RSU1: variants seen among roughly 807,000 people sequenced by gnomAD.
RSU1 encodes the protein Ras suppressor protein 1.
Under a neutral mutation model 31.1 loss-of-function variants are expected in RSU1, and 26 were observed. The ratio of observed to expected loss-of-function variants is 0.84; its 90% CI spans 0.61 to 1.16. The LOEUF is 1.16. Among genes scored for constraint, RSU1 ranks in the 50% most tolerant of loss-of-function variants. The probability of loss-of-function intolerance (pLI) is 0.00; values close to 1 mark genes in which losing one functional copy is unlikely to be tolerated. For synonymous variants in RSU1, 164 were observed against 136.3 expected (o/e 1.20, Z -1.41); for missense variants, 320 against 339.1 (o/e 0.94, Z 0.44).
At chr10:16,742,236 G>A (rs904402545) in intron 7 of RSU1, among the ~76,000 whole-genome samples, 1 of 152,170 alleles carries the variant, frequency 6.6e-6, no homozygotes, top group Non-Finnish European at 1.5e-5. Flanking sequence ...TTTGTGTAAT[G>A]GGTAGTCAAC....
intron 4 of RSU1, among the ~76,000 whole-genome samples, chr10:16,756,279 G>A (rs1335123363): frequency 6.6e-6 from 1 of 152,110 alleles, no homozygotes. Flanking sequence ...ATGTGAATAC[G>A]CTTAACACCA....
chr10:16,687,883 C>A (rs1168551980), intron 8 of RSU1, among the ~76,000 whole-genome samples: 3 of 152,060 alleles, frequency 2.0e-5, no homozygotes, highest in African/African-American at 7.2e-5. Context: ...CCATGCCCGG[C>A]TAATTTTTTT....
At position 16,695,158 on chromosome 10, in the gene RSU1, G is replaced by GGGA. The variant is rs1554767085; in HGVS notation, c.599-4_599-3insTCC. The stretch of plus-strand genomic sequence containing the variant: ...CTGGCCAGTTAAATCCAAGTTTCCT[G>GGGA]GGGGGGGGGAAAAAAAAAGTGAAGG... On this transcript the variant is annotated splice_polypyrimidine_tract_variant and splice_region_variant and intron_variant, in intron 7 of 8. Coordinates refer to ENST00000345264, the MANE Select transcript of RSU1 (RefSeq NM_012425.4). 9.4e-6 allele frequency: 8 copies of GGGA among 847,740 alleles called. No homozygotes were observed. The African/African-American group carries it at 1.5e-4, about 15-fold the overall frequency. The allele number at this position is 847,740 out of a possible 1,614,324, so 52.5% of individuals were successfully genotyped here.
At chr10:16,772,641 G>GAAAAAAAAAAAAAAAAAAAAAAAAAAAA (rs60460081) in intron 3 of RSU1, among the ~76,000 whole-genome samples, 2 of 64,772 alleles carry the variant, frequency 3.1e-5, no homozygotes, top group African/African-American at 1.1e-4. Context: ...AGTAGAATAT[G>GAAAAAAAAAAAAAAAAAAAAAAAAAAAA]AAAAAAAAAA....
At position 16,771,457 on chromosome 10, in the gene RSU1, T is replaced by G. The variant is rs539210373; in HGVS notation, c.161-6947A>C. Among the ~76,000 whole-genome samples the G allele has an allele frequency of 5.3e-5, 8 of 152,372 alleles. No homozygotes were observed. In the South Asian group the frequency reaches 1.7e-3, roughly 32 times the overall value. ...TAACTGGAGAACATGAGTCCATTCATAGCACAGAGGTGGTGTCTAGACTAA... is the reference window on the plus strand; with the variant it reads ...TAACTGGAGAACATGAGTCCATTCAGAGCACAGAGGTGGTGTCTAGACTAA... On this transcript the variant is annotated intron_variant, in intron 3 of 8. Coordinates refer to ENST00000345264, the MANE Select transcript of RSU1 (RefSeq NM_012425.4).
Position 16,632,693 on chromosome 10 carries a change from C to T in RSU1, c.732-39197G>A, listed in dbSNP as rs1834274463. Among the ~76,000 whole-genome samples, 3 of 152,136 alleles carry T rather than the reference C, an allele frequency of 2.0e-5. No homozygotes were observed. The South Asian group carries it at 6.2e-4, about 31-fold the overall frequency. The stretch of plus-strand genomic sequence containing the variant: ...GTGGCTCACACCTGTAATCCAAGCA[C>T]TTTGAGAGGCCGAGATGGGCATATC... On this transcript the variant is annotated intron_variant, in intron 8 of 8. Transcript: ENST00000345264.
intron 8 of RSU1, among the ~76,000 whole-genome samples, chr10:16,629,853 G>A (rs772333780): frequency 6.6e-6 from 1 of 152,168 alleles, no homozygotes; most frequent in Non-Finnish European, 1.5e-5. Context: ...GGAAATTTCT[G>A]TGTCTGCCAC....
At chr10:16,804,428 TA>T (rs1838223363) in intron 2 of RSU1, among the ~76,000 whole-genome samples, 1 of 152,222 alleles carries the variant, frequency 6.6e-6, no homozygotes, top group South Asian at 2.1e-4. Context: ...AAGCTAAACA[TA>T]ATCTTATCAC....
chr10:16,752,509 A>G, intron 7 of RSU1, 30 bp downstream of exon 7: 1 of 1,518,270 alleles, frequency 6.6e-7, no homozygotes. Context: ...CATGAAACCC[A>G]GAACTAAGTT....
At chr10:16,711,336 C>CA (rs34736068) in intron 7 of RSU1, among the ~76,000 whole-genome samples, 1 of 151,746 alleles carries the variant, frequency 6.6e-6, no homozygotes, top group Non-Finnish European at 1.5e-5. Context: ...CTTATCTTTT[C>CA]AAAAAAACCA....
intron 3 of RSU1, among the ~76,000 whole-genome samples, chr10:16,768,370 A>G (rs1009502433): frequency 1.3e-5 from 2 of 152,232 alleles, no homozygotes; most frequent in African/African-American, 2.4e-5. Flanking sequence ...GGGGCTCTCA[A>G]TTAGGAAGCT....
At chr10:16,647,480 C>T (rs1027222031) in intron 8 of RSU1, among the ~76,000 whole-genome samples, 2 of 152,094 alleles carry the variant, frequency 1.3e-5, no homozygotes, top group African/African-American at 4.8e-5. Context: ...TCATAATAGC[C>T]AGAATAACCC....
Position 16,593,131 on chromosome 10 carries a change from G to A in RSU1, c.*263C>T, listed in dbSNP as rs113491539. On this transcript the variant is annotated 3_prime_UTR_variant, in exon 9 of 9. Transcript: ENST00000345264. ...TTCAAGAAAAGCCAGAGCCCACTATGGAATTCGCAGTTGAATAAGAGCTTT... is the reference window on the plus strand; with the variant it reads ...TTCAAGAAAAGCCAGAGCCCACTATAGAATTCGCAGTTGAATAAGAGCTTT... The A allele has an allele frequency of 3.3e-3, 1,341 of 408,566 alleles. 8 individuals carry two copies. The highest frequency in any genetic ancestry group is 0.021 in the African/African-American group (1,058 of 49,812). 25.3% of individuals were successfully genotyped at this position (408,566 alleles called of 1,614,324 possible). A position where few individuals can be genotyped will look rare whatever the true frequency, so the allele number is the denominator to read the frequency against.
At chr10:16,798,219 CAAAA>C (rs1286207247) in intron 2 of RSU1, among the ~76,000 whole-genome samples, 1 of 151,486 alleles carries the variant, frequency 6.6e-6, no homozygotes, top group Non-Finnish European at 1.5e-5. Flanking sequence ...TAAAGATGGG[CAAAA>C]AAATCAACAT....
In RSU1 at chr10:16,726,914, C is replaced by T. The variant is rs45438691; in HGVS notation, c.598+25625G>A. On this transcript the variant is annotated intron_variant, in intron 7 of 8. Coordinates refer to ENST00000345264, the MANE Select transcript of RSU1 (RefSeq NM_012425.4). The stretch of plus-strand genomic sequence containing the variant: ...AAACAAAATCCACCATGCAGAAGGG[C>T]GTTGCATATGGTTTGACTGTTTTAT... 1,127 of 385,762 alleles carry T rather than the reference C, an allele frequency of 2.9e-3. 4 individuals are homozygous for T. The highest frequency in any genetic ancestry group is 8.1e-3 in the Middle Eastern group (9 of 1,106). The allele number at this position is 385,762 out of a possible 1,614,324, so 23.9% of individuals were successfully genotyped here. A position where few individuals can be genotyped will look rare whatever the true frequency, so the allele number is the denominator to read the frequency against.
At chr10:16,633,326 T>C (rs191442484) in intron 8 of RSU1, among the ~76,000 whole-genome samples, 6 of 152,256 alleles carry the variant, frequency 3.9e-5, no homozygotes, top group Non-Finnish European at 4.4e-5. Flanking sequence ...GTTGTCTCTA[T>C]AGACCAATTT....
At chr10:16,755,481 C>CAACATG (rs1837065628) in intron 4 of RSU1, among the ~76,000 whole-genome samples, 1 of 151,398 alleles carries the variant, frequency 6.6e-6, no homozygotes, top group African/African-American at 2.4e-5. Flanking sequence ...AAAGATTGTA[C>CAACATG]ATACTTATGG....
At chr10:16,715,864 T>G (rs1836129088) in intron 7 of RSU1, among the ~76,000 whole-genome samples, 1 of 152,202 alleles carries the variant, frequency 6.6e-6, no homozygotes, top group Non-Finnish European at 1.5e-5. Context: ...TCATAGCGAG[T>G]GCATTAAATC....
chr10:16,657,111 G>A (rs1452857365), intron 8 of RSU1, among the ~76,000 whole-genome samples: 2 of 152,224 alleles, frequency 1.3e-5, no homozygotes, highest in African/African-American at 4.8e-5. Context: ...CACATGCTTA[G>A]CTGATGGAGA....
Sources: gnomAD v4.1 joint callset for allele counts (sites outside exome capture counted in the v4.1 genomes callset) on GRCh38, gnomAD v4.1.1 for gene constraint, MANE v1.5 for transcripts, NCBI Gene and HGNC (gene_info 2026-07-23, HGNC 2026-07-21) for gene names.